The following CNOT4 variants were observed in gnomAD, a reference collection of about 807,000 sequenced individuals.
CNOT4 encodes the protein CCR4-NOT transcription complex subunit 4.
In CNOT4, 8 loss-of-function variants were observed where a neutral mutation model predicts 73.8. The ratio of observed to expected loss-of-function variants is 0.11; its 90% CI spans 0.06 to 0.20. The LOEUF (loss-of-function observed/expected upper bound fraction) is 0.20. Ranked by LOEUF, CNOT4 falls within the 10% of genes least tolerant of loss-of-function variation. The pLI is 1.00. For missense variants in CNOT4, 564 were observed against 883.4 expected, an observed-to-expected ratio of 0.64 and a Z score of 4.58; for synonymous variants, 293 against 321.1, an observed-to-expected ratio of 0.91 and a Z score of 0.94.
At chr7:135,382,536 C>T (rs1159441220) in intron 10 of CNOT4, among the ~76,000 whole-genome samples, 2 of 150,432 alleles carry the variant, frequency 1.3e-5, no homozygotes. Context: ...TATTAGAAAA[C>T]TAAGGTTGCT....
At chr7:135,457,245 A>G (rs1184042213) in intron 1 of CNOT4, among the ~76,000 whole-genome samples, 1 of 152,068 alleles carries the variant, frequency 6.6e-6, no homozygotes. Flanking sequence ...CAGTTGTAAA[A>G]GGTCAGTATT....
intron 1 of CNOT4, among the ~76,000 whole-genome samples, chr7:135,446,518 G>C (rs1016043635): frequency 2.0e-5 from 3 of 152,148 alleles, no homozygotes; most frequent in African/African-American, 7.2e-5. Flanking sequence ...ATTTTGAAAT[G>C]ATTACTATAT....
At chr7:135,419,712 A>ATCTTAC (rs1414571951) in intron 3 of CNOT4, among the ~76,000 whole-genome samples, 2 of 152,182 alleles carry the variant, frequency 1.3e-5, no homozygotes, top group Non-Finnish European at 2.9e-5. Context: ...GTTAAGATTA[A>ATCTTAC]TCTTACTAGA....
At chr7:135,400,649 C>G (rs900559404) in intron 7 of CNOT4, among the ~76,000 whole-genome samples, 2 of 152,088 alleles carry the variant, frequency 1.3e-5, no homozygotes, top group African/African-American at 4.8e-5. Flanking sequence ...ATTAGAATAA[C>G]TTATATCACT....
intron 10 of CNOT4, chr7:135,387,982 G>C (rs1432710891): frequency 1.4e-5 from 14 of 978,638 alleles, no homozygotes; most frequent in Non-Finnish European, 1.7e-5. Context: ...ATTACTGTTT[G>C]TTCAGTAACA....
intron 10 of CNOT4, among the ~76,000 whole-genome samples, chr7:135,382,170 C>T (rs918723627): frequency 1.3e-5 from 2 of 152,134 alleles, no homozygotes; most frequent in African/African-American, 4.8e-5. Context: ...GTTCTAGGTA[C>T]CTAAACTCGA....
chr7:135,474,993 T>A (rs1801902077), intron 1 of CNOT4, among the ~76,000 whole-genome samples: 1 of 152,154 alleles, frequency 6.6e-6, no homozygotes, highest in Non-Finnish European at 1.5e-5. Context: ...TGCCTAGCAC[T>A]TCAGAGTCAG....
chr7:135,424,035 AACAAAACACACACACACACACAC>A lies in CNOT4; in HGVS notation c.175-1705_175-1683del, dbSNP rs1379802476. Reference sequence around the variant, plus strand: ...TAAAAGCCACCAAAACAAACAAACAAACAAAACACACACACACACACACACACACACACACACACACACACACA... The same window carrying A: ...TAAAAGCCACCAAAACAAACAAACAAACACACACACACACACACACACACA... On this transcript the variant is annotated intron_variant, in intron 2 of 11. Coordinates refer to ENST00000541284, the MANE Select transcript of CNOT4 (RefSeq NM_001190850.2). 1.5e-4 allele frequency among the ~76,000 whole-genome samples: 20 copies of A among 135,036 alleles called. No homozygotes were observed. In the East Asian group the frequency reaches 3.9e-3, roughly 27 times the overall value. The allele number at this position is 135,036 out of a possible 152,430, so 88.6% of individuals were successfully genotyped here. A position where few individuals can be genotyped will look rare whatever the true frequency, so the allele number is the denominator to read the frequency against.
intron 10 of CNOT4, among the ~76,000 whole-genome samples, chr7:135,377,328 T>C (rs888182454): frequency 3.9e-5 from 6 of 152,202 alleles, no homozygotes; most frequent in African/African-American, 9.7e-5. Flanking sequence ...AGATCATCAA[T>C]TGGCTTCATC....
intron 6 of CNOT4, 45 bp from the exon 7 acceptor site, chr7:135,410,693 G>A (rs753827516): frequency 4.2e-5 from 64 of 1,516,998 alleles, no homozygotes; most frequent in Non-Finnish European, 5.2e-5. Context: ...TCACAAAATG[G>A]CTGGTATAAA....
intron 2 of CNOT4, among the ~76,000 whole-genome samples, chr7:135,424,677 T>C (rs1391867161): frequency 6.6e-6 from 1 of 152,036 alleles, no homozygotes; most frequent in Non-Finnish European, 1.5e-5. Flanking sequence ...TAATCCCAGC[T>C]ACTTGGGAGG....
At chr7:135,411,411 T>A (rs1797584808) in intron 6 of CNOT4, among the ~76,000 whole-genome samples, 1 of 151,960 alleles carries the variant, frequency 6.6e-6, no homozygotes, top group Non-Finnish European at 1.5e-5. Flanking sequence ...GAAGACTACA[T>A]ACATAGCTCA....
intron 1 of CNOT4, among the ~76,000 whole-genome samples, chr7:135,481,858 C>T (rs1463340709): frequency 2.0e-5 from 3 of 152,048 alleles, no homozygotes; most frequent in Non-Finnish European, 4.4e-5. Flanking sequence ...CATGTTCTCA[C>T]TCATATGTAG....
chr7:135,448,230 T>C (rs529654470), intron 1 of CNOT4, among the ~76,000 whole-genome samples: 2 of 152,152 alleles, frequency 1.3e-5, no homozygotes, highest in East Asian at 3.9e-4. Flanking sequence ...GTTTCCAACA[T>C]AAAATTACGA....
Position 135,362,850 on chromosome 7 carries a change from A to C in CNOT4, c.*35T>G. ...TGAGAGGGAGAAAACAGAGTGGGAC[A>C]AATCCTGCATTTTCTAATGGTTGCT... is the stretch of plus-strand genomic sequence containing the variant. On this transcript the variant is annotated 3_prime_UTR_variant, in exon 12 of 12. Transcript: ENST00000541284. The C allele has an allele frequency of 6.3e-7, 1 of 1,582,168 alleles. No homozygotes were observed. The highest frequency in any genetic ancestry group is 8.7e-7 in the Non-Finnish European group (1 of 1,150,918).
chr7:135,491,348 T>C (rs1426682940), intron 1 of CNOT4, among the ~76,000 whole-genome samples: 1 of 152,162 alleles, frequency 6.6e-6, no homozygotes, highest in African/African-American at 2.4e-5. Flanking sequence ...TTCCAATGTT[T>C]AGAGGTAGGC....
At chr7:135,505,920 A>G (rs928594578) in intron 1 of CNOT4, among the ~76,000 whole-genome samples, 2 of 152,206 alleles carry the variant, frequency 1.3e-5, no homozygotes, top group Non-Finnish European at 2.9e-5. Flanking sequence ...CCACATAACA[A>G]GATTAAAAAC....
At chr7:135,454,962 T>C (rs1177584938) in intron 1 of CNOT4, among the ~76,000 whole-genome samples, 1 of 152,126 alleles carries the variant, frequency 6.6e-6, no homozygotes, top group East Asian at 1.9e-4. Context: ...TCAATTACAA[T>C]TGTGGAAAAC....
In CNOT4 at chr7:135,415,194, T is replaced by C. The variant is rs769593825; in HGVS notation, c.441A>G (p.Thr147=). 2.5e-6 allele frequency: 4 copies of C among 1,601,818 alleles called. No individual in the cohort carries two copies. The East Asian group carries it at 8.9e-5, about 36-fold the overall frequency. The part of the protein sequence containing the change: ...KIHKVVINNS[T]SYAGSQGPSA... ...TAGTTACCTGTGAGCCTGCATATGA[T>C]GTGCTATTATTGATGACAACTTTAT... Residue 147 remains threonine, a synonymous_variant, in exon 4 of 12, where the codon ACA becomes ACG. Transcript: ENST00000541284.
Sources: allele counts gnomAD v4.1 joint callset (sites outside exome capture counted in the v4.1 genomes callset), GRCh38; gene constraint gnomAD v4.1.1; transcripts MANE v1.5; gene names NCBI Gene and HGNC (gene_info 2026-07-23, HGNC 2026-07-21).